CHD6: variants seen among roughly 807,000 people sequenced by gnomAD.
CHD6 encodes the protein chromodomain helicase DNA binding protein 6.
A neutral mutation model predicts 276.9 loss-of-function variants in CHD6; 50 were observed. The observed-to-expected ratio is 0.18, with a 90% CI of 0.14 to 0.23. CHD6 has a LOEUF of 0.23. CHD6 is among the 10% of genes least tolerant of loss of function. CHD6 has a pLI of 1.00. For synonymous variants in CHD6, 1,173 were observed against 1,229.3 expected (o/e 0.95, Z 0.96); for missense variants, 2,564 against 3,365.8 (o/e 0.76, Z 5.89).
At chr20:41,555,992 G>A (rs899936643) in intron 1 of CHD6, among the ~76,000 whole-genome samples, 1 of 152,258 alleles carries the variant, frequency 6.6e-6, no homozygotes, top group African/African-American at 2.4e-5. Context: ...GACTCCGTCT[G>A]CAATCCCGGC....
intron 17 of CHD6, among the ~76,000 whole-genome samples, chr20:41,458,256 G>A (rs1231048038): frequency 6.6e-6 from 1 of 152,194 alleles, no homozygotes; most frequent in East Asian, 1.9e-4. Flanking sequence ...GGAGGGACAA[G>A]CTAAATATTT....
intron 1 of CHD6, among the ~76,000 whole-genome samples, chr20:41,581,217 A>G (rs2045535356): frequency 6.6e-6 from 1 of 152,212 alleles, no homozygotes; most frequent in African/African-American, 2.4e-5. Flanking sequence ...CGGTACTATT[A>G]TTGTTCCCAT....
chr20:41,534,495 C>A (rs1298912851), intron 2 of CHD6, among the ~76,000 whole-genome samples: 5 of 151,908 alleles, frequency 3.3e-5, no homozygotes, highest in Non-Finnish European at 5.9e-5. Context: ...TTCTGTTTTT[C>A]CAGTTTCTTT....
intron 25 of CHD6, among the ~76,000 whole-genome samples, chr20:41,442,247 C>T (rs1043918932): frequency 6.6e-6 from 1 of 151,728 alleles, no homozygotes; most frequent in Non-Finnish European, 1.5e-5. Context: ...TCGAGCCCAG[C>T]CTGGTCTGGG....
intron 1 of CHD6, among the ~76,000 whole-genome samples, chr20:41,594,413 T>C (rs965112684): frequency 2.6e-5 from 4 of 152,204 alleles, no homozygotes; most frequent in Admixed American, 6.5e-5. Context: ...TCTGAAGACA[T>C]TGTGCTCCAC....
intron 1 of CHD6, among the ~76,000 whole-genome samples, chr20:41,581,619 T>C (rs367702064): frequency 6.6e-6 from 1 of 150,380 alleles, no homozygotes; most frequent in Non-Finnish European, 1.5e-5. Context: ...GAGGCTGCAG[T>C]GAGCCGAGAT....
intron 20 of CHD6, among the ~76,000 whole-genome samples, chr20:41,453,760 C>T (rs1285975145): frequency 1.3e-5 from 2 of 152,164 alleles, no homozygotes; most frequent in African/African-American, 4.8e-5. Context: ...CACTGTGAAA[C>T]ACTTAGAACA....
chr20:41,482,183 T>C (rs943704943), intron 16 of CHD6, among the ~76,000 whole-genome samples: 7 of 152,174 alleles, frequency 4.6e-5, no homozygotes, highest in African/African-American at 1.7e-4. Flanking sequence ...CTAACAGTTG[T>C]ACATATTTTA....
intron 36 of CHD6, among the ~76,000 whole-genome samples, chr20:41,409,422 T>C (rs1186376557): frequency 1.3e-5 from 2 of 152,160 alleles, no homozygotes; most frequent in Non-Finnish European, 2.9e-5. Context: ...CAAATCTGCT[T>C]TCTATCTAAT....
chr20:41,466,490 G>A (rs937770257), intron 17 of CHD6, among the ~76,000 whole-genome samples: 4 of 152,046 alleles, frequency 2.6e-5, no homozygotes, highest in African/African-American at 9.7e-5. Flanking sequence ...ATTATAATTC[G>A]TTGCTGGACC....
At chr20:41,602,601 C>G (rs1032629023) in intron 1 of CHD6, among the ~76,000 whole-genome samples, 1 of 152,202 alleles carries the variant, frequency 6.6e-6, no homozygotes, top group Non-Finnish European at 1.5e-5. Flanking sequence ...CTGCACTGCT[C>G]CTCGCACTGT....
intron 3 of CHD6, among the ~76,000 whole-genome samples, chr20:41,515,920 A>G (rs1356924290): frequency 2.6e-5 from 4 of 152,250 alleles, no homozygotes; most frequent in Non-Finnish European, 5.9e-5. Context: ...CTTTTTAAGC[A>G]ATGGATAGAT....
chr20:41,590,212 T>A (rs557553009), intron 1 of CHD6, among the ~76,000 whole-genome samples: 2 of 152,134 alleles, frequency 1.3e-5, no homozygotes, highest in Admixed American at 6.5e-5. Context: ...CAAATACGAA[T>A]TCAAGATGGA....
rs180856138 is a variant in CHD6, at chr20:41,417,048, A to G, written c.6279+150T>C. ...GAATTAGTTAAGCGCATGTATCTTTAATGTTCAAATGCTACATAACTAATA... is the reference window on the plus strand; with the variant it reads ...GAATTAGTTAAGCGCATGTATCTTTGATGTTCAAATGCTACATAACTAATA... On this transcript the variant is annotated intron_variant, in intron 32 of 36. Coordinates refer to ENST00000373233, the MANE Select transcript of CHD6 (RefSeq NM_032221.5). The G allele has an allele frequency of 7.5e-4, 575 of 770,658 alleles. 3 individuals carry two copies. The African/African-American group carries it at 8.6e-3, about 12-fold the overall frequency. 47.7% of individuals were successfully genotyped at this position (770,658 alleles called of 1,614,324 possible).
intron 2 of CHD6, among the ~76,000 whole-genome samples, chr20:41,534,156 G>T (rs562501064): frequency 1.3e-5 from 2 of 152,228 alleles, no homozygotes; most frequent in African/African-American, 4.8e-5. Context: ...TAAGGTTGGT[G>T]ATAGTCGGTA....
intron 2 of CHD6, among the ~76,000 whole-genome samples, chr20:41,549,121 G>C (rs1431878166): frequency 6.6e-6 from 1 of 151,806 alleles, no homozygotes; most frequent in East Asian, 1.9e-4. Flanking sequence ...AATACCATTT[G>C]ACCCAGCCAT....
chr20:41,406,867 C>T (rs927190477), intron 36 of CHD6, among the ~76,000 whole-genome samples: 23 of 152,240 alleles, frequency 1.5e-4, no homozygotes, highest in African/African-American at 5.3e-4. Context: ...AGCGTTTCCT[C>T]ACCCAGGGGA....
chr20:41,433,995 A>G (rs2047624376), intron 27 of CHD6, among the ~76,000 whole-genome samples: 1 of 152,232 alleles, frequency 6.6e-6, no homozygotes, highest in Non-Finnish European at 1.5e-5. Flanking sequence ...TGTAAACCAG[A>G]GGAAGGCAGG....
chr20:41,472,405 C>T (rs1387195306), intron 17 of CHD6, among the ~76,000 whole-genome samples: 1 of 152,148 alleles, frequency 6.6e-6, no homozygotes, highest in Non-Finnish European at 1.5e-5. Context: ...ACAGCAGCCT[C>T]CAAACTTCTT....
Sources: gnomAD v4.1 joint callset for allele counts (sites outside exome capture counted in the v4.1 genomes callset) on GRCh38, gnomAD v4.1.1 for gene constraint, MANE v1.5 for transcripts, NCBI Gene and HGNC (gene_info 2026-07-23, HGNC 2026-07-21) for gene names.